The following MISP variants were observed in gnomAD, a reference collection of about 807,000 sequenced individuals.
The protein encoded by MISP is mitotic spindle positioning.
A neutral mutation model predicts 49.3 loss-of-function variants in MISP; 51 were observed. That is an observed-to-expected ratio of 1.03 (90% CI 0.83 to 1.31). The LOEUF (loss-of-function observed/expected upper bound fraction) is 1.31, where lower values mean the gene tolerates loss of function less well. MISP is among the 50% of genes most tolerant of loss of function. MISP has a pLI of 0.00. For synonymous variants in MISP, 444 were observed against 392.6 expected (o/e 1.13, Z -1.55); for missense variants, 1,084 against 935.1 (o/e 1.16, Z -2.08).
rs1481318496 is a variant in MISP, at chr19:757,962, C to T, written c.1016C>T (p.Ala339Val). ...CTGACCAAGCTGAGCCTGATCACAG[C>T]CCCACGGCGGGAGAGAGGGCGCCCG... ...PLLTKLSLIT[A>V]PRRERGRPSL... The change falls in exon 2 of 5, where the codon GCC becomes GTC. Residue 339 changes from alanine to valine, a missense_variant. Ala to Val is a moderately conservative substitution (Grantham distance 64). Transcript: ENST00000215582. 4 of 1,589,440 alleles carry T rather than the reference C, an allele frequency of 2.5e-6. No homozygotes were observed. The highest frequency in any genetic ancestry group is 1.1e-5 in the South Asian group (1 of 89,476).
At chr19:762,041 G>A (rs1266229980) in intron 4 of MISP, among the ~76,000 whole-genome samples, 20 of 148,404 alleles carry the variant, frequency 1.3e-4, no homozygotes, top group East Asian at 6.0e-4. Context: ...TCCGCCTCCC[G>A]GGTTCACGCC....
chr19:750,442 C>T (rs1026830136), upstream of MISP, among the ~76,000 whole-genome samples: 5 of 152,166 alleles, frequency 3.3e-5, no homozygotes, highest in African/African-American at 7.2e-5. Flanking sequence ...TCAAGTGATC[C>T]GCCCGCCTCG....
In MISP at chr19:761,594, G is replaced by A. The variant is rs749049473; in HGVS notation, c.1912-31G>A. On this transcript the variant is annotated intron_variant, in intron 3 of 4. Coordinates refer to ENST00000215582, the MANE Select transcript of MISP (RefSeq NM_173481.4). ...ACTCTGCACCGGGCAGGGCAGAAAG[G>A]CCTGGGCTGACTTGTGTTCCTTTCC... 3.1e-6 allele frequency: 5 copies of A among 1,613,968 alleles called. No homozygotes were observed. In the Admixed American group the frequency reaches 8.3e-5, roughly 27 times the overall value.
At chr19:751,906 C>A (rs779605328) in intron 1 of MISP, among the ~76,000 whole-genome samples, 2 of 152,202 alleles carry the variant, frequency 1.3e-5, no homozygotes, top group African/African-American at 4.8e-5. Flanking sequence ...ACAAGGGAAC[C>A]TTTGCCCCTC....
chr19:763,652 A>G lies in MISP; in HGVS notation c.*62A>G. ...GACCCTCGTGGGAACTGCCAAGACCATCGCCAAGCCCCCACCCTAGGAAAT... is the reference window on the plus strand; with the variant it reads ...GACCCTCGTGGGAACTGCCAAGACCGTCGCCAAGCCCCCACCCTAGGAAAT... On this transcript the variant is annotated 3_prime_UTR_variant, in exon 5 of 5. Coordinates refer to ENST00000215582, the MANE Select transcript of MISP (RefSeq NM_173481.4). The G allele has an allele frequency of 1.9e-5, 24 of 1,234,822 alleles. No homozygotes were observed. Among genetic ancestry groups the G allele is most frequent in the Non-Finnish European group, 1.5e-5 (13 of 854,114 alleles). 76.5% of individuals were successfully genotyped at this position (1,234,822 alleles called of 1,614,324 possible).
At chr19:763,425 G>C in intron 4 of MISP, 76 bp from the exon 5 acceptor site, 5 of 1,035,328 alleles carry the variant, frequency 4.8e-6, no homozygotes, top group South Asian at 1.3e-5. Flanking sequence ...CCTCTCTAAT[G>C]AATTGGCAGT....
intron 1 of MISP, among the ~76,000 whole-genome samples, chr19:751,506 A>G (rs1385025747): frequency 1.3e-5 from 2 of 152,132 alleles, no homozygotes; most frequent in African/African-American, 4.8e-5. Flanking sequence ...GTCAGAGGCC[A>G]GAGGGGCCCC....
rs1290740177 is a variant in MISP at position 758,417 on chromosome 19, T to C, written c.1471T>C (p.Cys491Arg). The change falls in exon 2 of 5, where the codon TGC becomes CGC. Residue 491 changes from cysteine (C) to arginine (R), a missense_variant. Physicochemically the swap from Cys to Arg is radical, Grantham distance 180. Coordinates refer to ENST00000215582, the MANE Select transcript of MISP (RefSeq NM_173481.4). ...AGAGGCATCGAAGCCCCCTCGGGGA[T>C]GCCCGCAAGCCAACAGGGGTGTCGT... is the stretch of plus-strand genomic sequence containing the variant. ...KQEASKPPRG[C>R]PQANRGVVRW... is the part of the protein sequence containing the mutation. The C allele has an allele frequency of 6.2e-7, 1 of 1,614,194 alleles. No individual in the cohort carries two copies. The highest frequency in any genetic ancestry group is 8.5e-7 in the Non-Finnish European group (1 of 1,180,036).
intron 1 of MISP, among the ~76,000 whole-genome samples, chr19:754,190 C>T (rs1361818926): frequency 2.0e-5 from 3 of 152,080 alleles, no homozygotes; most frequent in Non-Finnish European, 4.4e-5. Flanking sequence ...CCTGGCTGGG[C>T]GCGGTGGCTC....
chr19:758,669 T>C lies in MISP; in HGVS notation c.1723T>C (p.Ser575Pro), dbSNP rs367606988. ...RRNALFPEVF[S>P]PTPDENSDQN... ...AAATGCTCTCTTCCCAGAGGTCTTC[T>C]CCCCAACGCCAGATGAGAACTCTGA... Residue 575 changes from serine to proline, a missense_variant, in exon 2 of 5, where the codon TCC becomes CCC. By Grantham distance (74) the Ser-to-Pro change is moderately conservative. Transcript: ENST00000215582. The C allele has an allele frequency of 1.5e-5, 24 of 1,613,980 alleles. No individual in the cohort carries two copies. The highest frequency in any genetic ancestry group is 1.9e-5 in the Non-Finnish European group (22 of 1,180,028).
At chr19:749,896 C>A (rs2033433499), upstream of MISP, among the ~76,000 whole-genome samples, 1 of 152,070 alleles carries the variant, frequency 6.6e-6, no homozygotes, top group African/African-American at 2.4e-5. Context: ...GGCCTTTTTA[C>A]TCGAAGAAGA....
intron 1 of MISP, among the ~76,000 whole-genome samples, chr19:755,295 C>T (rs984044458): frequency 1.1e-4 from 16 of 152,206 alleles, no homozygotes; most frequent in Admixed American, 7.9e-4. Flanking sequence ...GCTCGCTCCA[C>T]GGCCCCACCT....
At chr19:760,075 G>A in intron 3 of MISP, 36 bp downstream of exon 3, 2 of 1,611,648 alleles carry the variant, frequency 1.2e-6, no homozygotes, top group Non-Finnish European at 1.7e-6. Flanking sequence ...AGGCCAGGCT[G>A]AGGTCAGACA....
intron 4 of MISP, among the ~76,000 whole-genome samples, chr19:762,500 G>A (rs1431480383): frequency 3.3e-5 from 5 of 151,746 alleles, no homozygotes; most frequent in East Asian, 3.9e-4. Context: ...TAATCCTCCC[G>A]CCTCCACCTC....
At chr19:755,342 C>T (rs1470335092) in intron 1 of MISP, among the ~76,000 whole-genome samples, 1 of 152,178 alleles carries the variant, frequency 6.6e-6, no homozygotes, top group African/African-American at 2.4e-5. Flanking sequence ...GTTCCTTTGC[C>T]CATCCTGGCT....
chr19:758,871 G>A (rs972137174), intron 2 of MISP, 145 bp downstream of exon 2: 2 of 630,914 alleles, frequency 3.2e-6, no homozygotes, highest in Admixed American at 6.2e-5. Context: ...CTCAGTCGCT[G>A]GTTTGTCTGC....
At chr19:749,593 G>C (rs920466439), upstream of MISP, among the ~76,000 whole-genome samples, 1 of 152,228 alleles carries the variant, frequency 6.6e-6, no homozygotes, top group East Asian at 1.9e-4. Flanking sequence ...CACTTTGGGA[G>C]GCTGAGGCGG....
At chr19:751,472 A>T (rs1201767411) in intron 1 of MISP, among the ~76,000 whole-genome samples, 1 of 152,114 alleles carries the variant, frequency 6.6e-6, no homozygotes, top group Non-Finnish European at 1.5e-5. Context: ...CCTCCAAGGG[A>T]GGGGCCGGGT....
chr19:750,359 C>A (rs1316062631), upstream of MISP, among the ~76,000 whole-genome samples: 1 of 151,908 alleles, frequency 6.6e-6, no homozygotes, highest in Non-Finnish European at 1.5e-5. Context: ...GCCACCATAC[C>A]CCGCTAAATT....
Sources: gnomAD v4.1 joint callset for allele counts (sites outside exome capture counted in the v4.1 genomes callset) on GRCh38, gnomAD v4.1.1 for gene constraint, MANE v1.5 for transcripts, NCBI Gene and HGNC (gene_info 2026-07-23, HGNC 2026-07-21) for gene names.